The following ARK2C variants were observed in gnomAD, a reference collection of about 807,000 sequenced individuals.
The protein encoded by ARK2C is E3 ubiquitin-protein ligase ARK2C.
the ARK2C span, among the ~76,000 whole-genome samples, chr18:46,412,739 C>T: frequency 2.0e-5 from 3 of 152,106 alleles, no homozygotes; most frequent in South Asian, 6.2e-4. Context: ...TAGAAAATGA[C>T]AAGGCCGCCT....
At chr18:46,356,762 C>T in the ARK2C span, among the ~76,000 whole-genome samples, 1 of 152,212 alleles carries the variant, frequency 6.6e-6, no homozygotes, top group Non-Finnish European at 1.5e-5. Context: ...GTCATCTGCT[C>T]CTTCCACCGT....
At chr18:46,354,870 A>G in the ARK2C span, among the ~76,000 whole-genome samples, 3 of 152,316 alleles carry the variant, frequency 2.0e-5, no homozygotes, top group East Asian at 3.9e-4. Context: ...CTCTTTAAAG[A>G]CAAACATCAG....
the ARK2C span, among the ~76,000 whole-genome samples, chr18:46,351,967 G>A: frequency 1.3e-5 from 2 of 152,176 alleles, no homozygotes; most frequent in Admixed American, 6.5e-5. Flanking sequence ...CCTAGGGGTG[G>A]GTATATTTCC....
At chr18:46,402,707 C>T in the ARK2C span, among the ~76,000 whole-genome samples, 1 of 152,120 alleles carries the variant, frequency 6.6e-6, no homozygotes, top group South Asian at 2.1e-4. Flanking sequence ...TGCCATGTTG[C>T]CCAAACTGAT....
chr18:46,439,009 A>G, the ARK2C span, among the ~76,000 whole-genome samples: 1 of 152,244 alleles, frequency 6.6e-6, no homozygotes, highest in African/African-American at 2.4e-5. Context: ...GTCTTCTGAC[A>G]GCTGCTGCTG....
chr18:46,452,563 A>G, the ARK2C span, among the ~76,000 whole-genome samples: 2 of 152,200 alleles, frequency 1.3e-5, no homozygotes, highest in South Asian at 2.1e-4. Flanking sequence ...TACAGGCATG[A>G]GCCACCATGC....
chr18:46,366,765 T>C, the ARK2C span, among the ~76,000 whole-genome samples: 1 of 152,224 alleles, frequency 6.6e-6, no homozygotes, highest in Non-Finnish European at 1.5e-5. Context: ...TGCATTCTTT[T>C]ATTCATTCAC....
At chr18:46,357,930 C>T in the ARK2C span, among the ~76,000 whole-genome samples, 1 of 152,178 alleles carries the variant, frequency 6.6e-6, no homozygotes, top group East Asian at 1.9e-4. Flanking sequence ...AGTCACAGTC[C>T]TTGGGGCTCC....
the ARK2C span, chr18:46,336,516 G>A: frequency 1.0e-6 from 1 of 985,440 alleles, no homozygotes; most frequent in Non-Finnish European, 1.2e-6. Flanking sequence ...TGTGATAAGA[G>A]TTCATGACCT....
chr18:46,352,217 A>G, the ARK2C span, among the ~76,000 whole-genome samples: 2 of 152,072 alleles, frequency 1.3e-5, no homozygotes, highest in East Asian at 3.9e-4. Flanking sequence ...GTTCACCTTG[A>G]TGAACTCCAG....
the ARK2C span, chr18:46,337,766 A>G: frequency 1.0e-5 from 1 of 98,640 alleles, no homozygotes; most frequent in Non-Finnish European, 1.4e-5. Context: ...CCCACCTCCC[A>G]TTGTAAGATT....
At chr18:46,401,385 C>G in the ARK2C span, among the ~76,000 whole-genome samples, 1 of 152,144 alleles carries the variant, frequency 6.6e-6, no homozygotes, top group Admixed American at 6.5e-5. Flanking sequence ...TTTTCTTATG[C>G]AATTTTTCAA....
chr18:46,401,240 A>G, the ARK2C span, among the ~76,000 whole-genome samples: 3 of 152,130 alleles, frequency 2.0e-5, no homozygotes, highest in African/African-American at 4.8e-5. Flanking sequence ...CCCATTTCCC[A>G]GGAGCTGTTA....
chr18:46,352,581 A>G, the ARK2C span, among the ~76,000 whole-genome samples: 1 of 151,834 alleles, frequency 6.6e-6, no homozygotes, highest in Non-Finnish European at 1.5e-5. Context: ...TTGTTGCTCC[A>G]CCCTCCCTAG....
chr18:46,337,231 G>T, the ARK2C span: 20 of 985,150 alleles, frequency 2.0e-5, no homozygotes, highest in African/African-American at 3.1e-4. Context: ...AAAAAGAAAA[G>T]AAAAGAAAAA....
chr18:46,345,954 T>C, the ARK2C span, among the ~76,000 whole-genome samples: 9 of 152,280 alleles, frequency 5.9e-5, no homozygotes, highest in South Asian at 1.7e-3. Flanking sequence ...CAGAGCTGGC[T>C]CTTGGAGCTC....
the ARK2C span, among the ~76,000 whole-genome samples, chr18:46,424,886 G>A: frequency 2.0e-5 from 3 of 152,238 alleles, no homozygotes; most frequent in African/African-American, 7.2e-5. Flanking sequence ...GCCTCTGTGG[G>A]CAGAGACCTG....
the ARK2C span, among the ~76,000 whole-genome samples, chr18:46,425,933 G>A: frequency 6.6e-6 from 1 of 152,154 alleles, no homozygotes; most frequent in African/African-American, 2.4e-5. Context: ...GTAAGGGTCC[G>A]CCTCCTCATA....
the ARK2C span, among the ~76,000 whole-genome samples, chr18:46,363,940 C>T: frequency 7.8e-5 from 11 of 140,396 alleles, no homozygotes; most frequent in African/African-American, 1.1e-4. Flanking sequence ...TTTCTTTTTT[C>T]TTTTCTTTTT....
Sources: gnomAD v4.1 joint callset for allele counts (sites outside exome capture counted in the v4.1 genomes callset) on GRCh38, gnomAD v4.1.1 for gene constraint, MANE v1.5 for transcripts, NCBI Gene and HGNC (gene_info 2026-07-23, HGNC 2026-07-21) for gene names.